C9orf153: variants seen among roughly 807,000 people sequenced by gnomAD.
C9orf153 encodes the protein uncharacterized protein C9orf153.
A neutral mutation model predicts 9.0 loss-of-function variants in C9orf153; 10 were observed. That is an observed-to-expected ratio of 1.11 (90% CI 0.69 to 1.89). C9orf153 has a LOEUF of 1.89. Ranked by LOEUF, C9orf153 falls within the 40% of genes most tolerant of loss-of-function variation. The pLI is 0.00. For missense variants in C9orf153, 108 were observed against 111.0 expected, an observed-to-expected ratio of 0.97 and a Z score of 0.12; for synonymous variants, 35 against 37.3, an observed-to-expected ratio of 0.94 and a Z score of 0.23.
intron 3 of C9orf153, chr9:86,227,244 T>C (rs1824356942): frequency 2.3e-6 from 3 of 1,294,534 alleles, no homozygotes; most frequent in Admixed American, 7.2e-5. Context: ...ACACATGTGC[T>C]CAAGTGATCC....
intron 1 of C9orf153, among the ~76,000 whole-genome samples, chr9:86,237,026 G>T (rs1205790167): frequency 6.6e-6 from 1 of 151,264 alleles, no homozygotes; most frequent in Non-Finnish European, 1.5e-5. Flanking sequence ...TGACAACAAT[G>T]ACATAGAGAA....
Position 86,255,761 on chromosome 9 carries a change from A to G in C9orf153, c.-27+3789T>C, listed in dbSNP as rs561387997. The stretch of plus-strand genomic sequence containing the variant: ...CCTATGTGCACATAAATAAATTCGT[A>G]TGCCTTTTCTCCAGTGAATCTGCCT... On this transcript the variant is annotated intron_variant, in intron 1 of 3. Coordinates refer to ENST00000339137, the MANE Select transcript of C9orf153 (RefSeq NM_001276366.4). 3.5e-4 allele frequency among the ~76,000 whole-genome samples: 53 copies of G among 152,206 alleles called. No homozygotes were observed. The South Asian group carries it at 6.2e-3, about 18-fold the overall frequency.
At chr9:86,223,699 C>A (rs183259792) in intron 3 of C9orf153, among the ~76,000 whole-genome samples, 5 of 152,132 alleles carry the variant, frequency 3.3e-5, no homozygotes, top group Non-Finnish European at 7.3e-5. Context: ...AAAATCGTTG[C>A]TTCCGTATTA....
intron 1 of C9orf153, among the ~76,000 whole-genome samples, chr9:86,248,866 T>C (rs1165844424): frequency 1.3e-5 from 2 of 152,172 alleles, no homozygotes; most frequent in South Asian, 2.1e-4. Context: ...TTCCAGTGGC[T>C]CCTCGTGTTG....
At position 86,238,969 on chromosome 9, in the gene C9orf153, A is replaced by AC. The variant is rs996302890; in HGVS notation, c.-26-9341_-26-9340insG. On this transcript the variant is annotated intron_variant, in intron 1 of 3. Transcript: ENST00000339137. ...TATAATTCTATTTCTGTAAAAAAAA[A>AC]AAACAAACATATATGGGCCAGGTGG... Among the ~76,000 whole-genome samples the AC allele has an allele frequency of 3.0e-4, 46 of 151,830 alleles. 1 individual carries two copies. The highest frequency in any genetic ancestry group is 7.7e-4 in the East Asian group (4 of 5,172).
chr9:86,227,518 C>T, intron 3 of C9orf153: 1 of 1,365,428 alleles, frequency 7.3e-7, no homozygotes. Flanking sequence ...CCTTTTCTCC[C>T]ACATGGCCTC....
intron 3 of C9orf153, 172 bp downstream of exon 3, chr9:86,227,683 A>G: frequency 2.0e-6 from 2 of 985,308 alleles, no homozygotes; most frequent in African/African-American, 3.5e-5. Flanking sequence ...CATTCGAGTG[A>G]TCGGTGAGAA....
intron 3 of C9orf153, among the ~76,000 whole-genome samples, chr9:86,222,670 C>T (rs995966537): frequency 2.0e-5 from 3 of 152,154 alleles, no homozygotes; most frequent in African/African-American, 7.2e-5. Flanking sequence ...CCTTCTCTTC[C>T]ACCCTTTTCA....
chr9:86,257,399 G>A (rs1825143241), intron 1 of C9orf153, among the ~76,000 whole-genome samples: 1 of 152,164 alleles, frequency 6.6e-6, no homozygotes. Context: ...GGCCTTTTAA[G>A]CTCCTCCCTC....
intron 1 of C9orf153, among the ~76,000 whole-genome samples, chr9:86,240,382 T>C (rs1042846378): frequency 2.6e-5 from 4 of 151,190 alleles, no homozygotes; most frequent in Non-Finnish European, 5.9e-5. Context: ...TTTTCCTTTT[T>C]TTTTTTTTTT....
chr9:86,249,922 G>A (rs551558444), intron 1 of C9orf153, among the ~76,000 whole-genome samples: 1 of 152,258 alleles, frequency 6.6e-6, no homozygotes, highest in East Asian at 1.9e-4. Flanking sequence ...AAATGGCATA[G>A]AAATTTACTA....
intron 1 of C9orf153, among the ~76,000 whole-genome samples, chr9:86,233,908 C>A (rs1824523886): frequency 6.6e-6 from 1 of 152,044 alleles, no homozygotes; most frequent in South Asian, 2.1e-4. Context: ...CATGGTGAAA[C>A]CCCATCTTTA....
At chr9:86,250,575 C>T (rs1463967455) in intron 1 of C9orf153, among the ~76,000 whole-genome samples, 1 of 152,162 alleles carries the variant, frequency 6.6e-6, no homozygotes, top group Non-Finnish European at 1.5e-5. Flanking sequence ...AACTCTGTAG[C>T]CGGGTTTATG....
At chr9:86,244,583 T>C (rs1300938252) in intron 1 of C9orf153, among the ~76,000 whole-genome samples, 4 of 152,188 alleles carry the variant, frequency 2.6e-5, no homozygotes, top group Non-Finnish European at 5.9e-5. Flanking sequence ...ACAAAGTAGA[T>C]ATAAAATAAA....
intron 1 of C9orf153, among the ~76,000 whole-genome samples, chr9:86,256,799 C>T (rs1587813170): frequency 6.6e-6 from 1 of 152,208 alleles, no homozygotes; most frequent in East Asian, 1.9e-4. Flanking sequence ...ACAATGTGAC[C>T]CTCACCCATA....
At chr9:86,223,422 C>T (rs182175761) in intron 3 of C9orf153, among the ~76,000 whole-genome samples, 3 of 152,054 alleles carry the variant, frequency 2.0e-5, no homozygotes, top group Admixed American at 6.5e-5. Flanking sequence ...GAGCCGAGAT[C>T]GTGCTGCTGC....
In C9orf153 at chr9:86,221,626, C is replaced by T; in HGVS notation, c.*62G>A. On this transcript the variant is annotated 3_prime_UTR_variant, in exon 4 of 4. Coordinates refer to ENST00000339137, the MANE Select transcript of C9orf153 (RefSeq NM_001276366.4). Reference sequence around the variant, plus strand: ...TCCTGGCTCTCTACAAATCTCTTCTCAGTGTTGTATTTTATGTCTCCGAAT... The same window carrying T: ...TCCTGGCTCTCTACAAATCTCTTCTTAGTGTTGTATTTTATGTCTCCGAAT... 6.5e-7 allele frequency: 1 copy of T among 1,534,396 alleles called. No individual in the cohort carries two copies. The highest frequency in any genetic ancestry group is 8.8e-7 in the Non-Finnish European group (1 of 1,139,888).
At chr9:86,253,923 G>A (rs1587811738) in intron 1 of C9orf153, among the ~76,000 whole-genome samples, 2 of 151,836 alleles carry the variant, frequency 1.3e-5, no homozygotes, top group Non-Finnish European at 2.9e-5. Flanking sequence ...AACCCTGTCT[G>A]TACTAAAAAT....
At chr9:86,254,715 C>T (rs11791066) in intron 1 of C9orf153, among the ~76,000 whole-genome samples, 18,968 of 152,190 alleles carry the variant, frequency 0.12, 1,508 homozygotes, top group Middle Eastern at 0.3. Flanking sequence ...GCAATGCCAT[C>T]TTCTGGAATG....
Sources: allele counts gnomAD v4.1 joint callset (sites outside exome capture counted in the v4.1 genomes callset), GRCh38; gene constraint gnomAD v4.1.1; transcripts MANE v1.5; gene names NCBI Gene and HGNC (gene_info 2026-07-23, HGNC 2026-07-21).